PPFIBP1: variants seen among roughly 807,000 people sequenced by gnomAD.
PPFIBP1 encodes PPFIB scaffold protein 1.
Under a neutral mutation model 137.8 loss-of-function variants are expected in PPFIBP1, and 112 were observed. That is an observed-to-expected ratio of 0.81 (90% CI 0.70 to 0.95). The LOEUF is 0.95. PPFIBP1 is among the 40% of genes least tolerant of loss of function. PPFIBP1 has a pLI of 0.00. For synonymous variants in PPFIBP1, 378 were observed against 417.3 expected (o/e 0.91, Z 1.15); for missense variants, 1,083 against 1,196.6 (o/e 0.91, Z 1.40).
At chr12:27,582,326 A>C (rs1430744882) in intron 2 of PPFIBP1, among the ~76,000 whole-genome samples, 2 of 152,174 alleles carry the variant, frequency 1.3e-5, no homozygotes, top group African/African-American at 4.8e-5. Context: ...ATCTCTGATG[A>C]CTTTTAAATA....
intron 2 of PPFIBP1, among the ~76,000 whole-genome samples, chr12:27,610,685 C>G (rs373098798): frequency 6.6e-6 from 1 of 152,134 alleles, no homozygotes; most frequent in South Asian, 2.1e-4. Context: ...ATAAAACTAT[C>G]CATCAATCAT....
intron 9 of PPFIBP1, among the ~76,000 whole-genome samples, chr12:27,657,635 C>T (rs1170549635): frequency 6.6e-6 from 1 of 151,828 alleles, no homozygotes; most frequent in Non-Finnish European, 1.5e-5. Flanking sequence ...GGCCTTATAC[C>T]CCTGCAGGTA....
chr12:27,539,572 G>T (rs535520338), intron 1 of PPFIBP1, among the ~76,000 whole-genome samples: 1 of 152,182 alleles, frequency 6.6e-6, no homozygotes, highest in East Asian at 1.9e-4. Context: ...TTCTAGCCTT[G>T]GATTTTAAAC....
intron 2 of PPFIBP1, among the ~76,000 whole-genome samples, chr12:27,587,484 G>C (rs527486339): frequency 1.1e-4 from 17 of 151,542 alleles, no homozygotes; most frequent in Non-Finnish European, 2.5e-4. Context: ...TTAGCTGGGC[G>C]TGGTGGCGGG....
chr12:27,620,892 G>A (rs2056284361), intron 2 of PPFIBP1, among the ~76,000 whole-genome samples: 1 of 152,122 alleles, frequency 6.6e-6, no homozygotes, highest in South Asian at 2.1e-4. Context: ...TATTTAAACT[G>A]TTTATTTTTT....
At chr12:27,541,374 A>G (rs754234756) in intron 1 of PPFIBP1, among the ~76,000 whole-genome samples, 2 of 152,124 alleles carry the variant, frequency 1.3e-5, no homozygotes, top group African/African-American at 2.4e-5. Flanking sequence ...AGCTTACTGA[A>G]GGCAGCGGGG....
chr12:27,564,106 T>TGCCGAG (rs1406334069), intron 1 of PPFIBP1, among the ~76,000 whole-genome samples: 2 of 152,046 alleles, frequency 1.3e-5, no homozygotes, highest in Non-Finnish European at 2.9e-5. Context: ...CTCCTGACCT[T>TGCCGAG]GTGATCCGCC....
Position 27,681,542 on chromosome 12 carries a change from G to A in PPFIBP1, c.1896-4G>A. 2 of 1,613,364 alleles carry A rather than the reference G, an allele frequency of 1.2e-6. No individual in the cohort carries two copies. The highest frequency in any genetic ancestry group is 1.1e-5 in the South Asian group (1 of 91,000). ...TTTTCATGCAATTACTCATTTTCCT[G>A]TAGTGACTTGGATATGCCATTTGCC... is the stretch of plus-strand genomic sequence containing the variant. On this transcript the variant is annotated splice_polypyrimidine_tract_variant and splice_region_variant and intron_variant, in intron 21 of 29. Transcript: ENST00000228425.
At chr12:27,692,696 T>C (rs773398072) in intron 29 of PPFIBP1, 40 bp downstream of exon 29, 6 of 1,613,450 alleles carry the variant, frequency 3.7e-6, no homozygotes, top group Non-Finnish European at 5.1e-6. Flanking sequence ...ATTCTATAAA[T>C]GTCTTTTATA....
chr12:27,675,844 A>G (rs553705832), intron 17 of PPFIBP1, among the ~76,000 whole-genome samples: 1 of 152,230 alleles, frequency 6.6e-6, no homozygotes, highest in Non-Finnish European at 1.5e-5. Context: ...CAAAGAACCA[A>G]AAAGCTCAAA....
rs186817146 is a variant in PPFIBP1, at chr12:27,600,643, A to C, written c.-36+22404A>C. Among the ~76,000 whole-genome samples, 40 of 151,670 alleles carry C rather than the reference A, an allele frequency of 2.6e-4. No individual in the cohort carries two copies. In the East Asian group the frequency reaches 7.5e-3, roughly 29 times the overall value. On this transcript the variant is annotated intron_variant, in intron 2 of 29. Transcript: ENST00000228425. ...TTTCCCTGCTTCCCTCCTGAGCATT[A>C]TTCTGAATTTGATGTTAATCTCGTG...
At chr12:27,638,010 A>C (rs1380534872) in intron 4 of PPFIBP1, among the ~76,000 whole-genome samples, 4 of 152,052 alleles carry the variant, frequency 2.6e-5, no homozygotes, top group Non-Finnish European at 5.9e-5. Flanking sequence ...AGAATAGTCA[A>C]ATTTTAGAGA....
In PPFIBP1 at chr12:27,643,378, A is replaced by G. The variant is rs2058250368; in HGVS notation, c.271-2684A>G. ...TGCAAAGAATGCAGAGTCTATTAGA[A>G]GAGAGAGACATGTATGCAGTCAAGT... On this transcript the variant is annotated intron_variant, in intron 4 of 29. Coordinates refer to ENST00000228425, the MANE Select transcript of PPFIBP1 (RefSeq NM_003622.4). Among the ~76,000 whole-genome samples the G allele has an allele frequency of 7.0e-5, 9 of 128,944 alleles. No homozygotes were observed. In the South Asian group the frequency reaches 2.3e-3, roughly 33 times the overall value. 84.6% of individuals were successfully genotyped at this position (128,944 alleles called of 152,430 possible). A position where few individuals can be genotyped will look rare whatever the true frequency, so the allele number is the denominator to read the frequency against.
At chr12:27,642,267 A>C (rs750416793) in intron 4 of PPFIBP1, among the ~76,000 whole-genome samples, 1 of 152,238 alleles carries the variant, frequency 6.6e-6, no homozygotes, top group Non-Finnish European at 1.5e-5. Flanking sequence ...TTGGTTGGAT[A>C]CTGTACTGTT....
Position 27,654,732 on chromosome 12 carries a change from A to T in PPFIBP1, c.614A>T (p.Gln205Leu), listed in dbSNP as rs755349172. 1.2e-6 allele frequency: 2 copies of T among 1,611,214 alleles called. No individual in the cohort carries two copies. Among genetic ancestry groups the T allele is most frequent in the East Asian group, 2.2e-5 (1 of 44,750 alleles). ...DKFRDTEGLI[Q>L]EINDLRLKVS... ...TTTCTTCTTGGACAGGGGCTGATTC[A>T]GGAGATCAATGATTTGAGGTTAAAA... The change falls in exon 8 of 30, where the codon CAG becomes CTG. Residue 205 changes from glutamine to leucine, a missense_variant. Coordinates refer to ENST00000228425, the MANE Select transcript of PPFIBP1 (RefSeq NM_003622.4).
intron 2 of PPFIBP1, among the ~76,000 whole-genome samples, chr12:27,617,377 A>C (rs2055877355): frequency 6.6e-6 from 1 of 152,184 alleles, no homozygotes; most frequent in South Asian, 2.1e-4. Context: ...AGATGGACTT[A>C]ATTGGAAGCA....
chr12:27,690,027 G>C (rs1392714802), intron 27 of PPFIBP1, among the ~76,000 whole-genome samples: 1 of 152,082 alleles, frequency 6.6e-6, no homozygotes, highest in Admixed American at 6.5e-5. Flanking sequence ...GCATGTTTTG[G>C]GTGGTTTCTG....
At chr12:27,665,111 C>T (rs920206343) in intron 12 of PPFIBP1, among the ~76,000 whole-genome samples, 1 of 152,152 alleles carries the variant, frequency 6.6e-6, no homozygotes, top group Non-Finnish European at 1.5e-5. Context: ...TCGCCTGAAC[C>T]CGGGAAGCGG....
intron 1 of PPFIBP1, among the ~76,000 whole-genome samples, chr12:27,553,043 A>C (rs1565755325): frequency 6.6e-6 from 1 of 152,144 alleles, no homozygotes; most frequent in Non-Finnish European, 1.5e-5. Flanking sequence ...TTTACAAGGA[A>C]GTGCACGCAG....
Sources: gnomAD v4.1 joint callset for allele counts (sites outside exome capture counted in the v4.1 genomes callset) on GRCh38, gnomAD v4.1.1 for gene constraint, MANE v1.5 for transcripts, NCBI Gene and HGNC (gene_info 2026-07-23, HGNC 2026-07-21) for gene names.